Variants in ZNF804B observed in about 807,000 individuals in gnomAD.
ZNF804B encodes zinc finger 804B.
Under a neutral mutation model 101.4 loss-of-function variants are expected in ZNF804B, and 80 were observed. That is an observed-to-expected ratio of 0.79 (90% CI 0.66 to 0.95). The LOEUF (loss-of-function observed/expected upper bound fraction) is 0.95, where lower values mean the gene tolerates loss of function less well. Ranked by LOEUF, ZNF804B falls within the 40% of genes least tolerant of loss-of-function variation. ZNF804B has a pLI of 0.00. For synonymous variants in ZNF804B, 622 were observed against 558.8 expected, an observed-to-expected ratio of 1.11 and a Z score of -1.59; for missense variants, 1,673 against 1,561.9, an observed-to-expected ratio of 1.07 and a Z score of -1.20.
intron 1 of ZNF804B, among the ~76,000 whole-genome samples, chr7:89,115,810 G>C (rs1323978033): frequency 1.3e-5 from 2 of 152,042 alleles, no homozygotes; most frequent in Admixed American, 6.6e-5. Context: ...TTCAATTTCT[G>C]AAGGGAGAAT....
intron 2 of ZNF804B, among the ~76,000 whole-genome samples, chr7:89,225,480 C>CTCTAGACTGTG (rs1307919865): frequency 6.6e-6 from 1 of 152,116 alleles, no homozygotes; most frequent in Non-Finnish European, 1.5e-5. Context: ...GCCACTGTGT[C>CTCTAGACTGTG]TCTAGAACTT....
rs745541718 is a variant in ZNF804B, at chr7:89,336,605, C to T, written c.3623C>T (p.Thr1208Ile). 1 of 1,614,106 alleles carries T rather than the reference C, an allele frequency of 6.2e-7. No homozygotes were observed. The highest frequency in any genetic ancestry group is 1.1e-5 in the South Asian group (1 of 91,086). Residue 1208 changes from threonine to isoleucine, a missense_variant, in exon 4 of 4, where the codon ACC (threonine) becomes ATC (isoleucine). Coordinates refer to ENST00000333190, the MANE Select transcript of ZNF804B (RefSeq NM_181646.5). ...GTTCACCAGCACACTTCTATCACCA[C>T]CATCCACCACACGTTCCTGCAGCAT... ...VPVHQHTSIT[T>I]IHHTFLQHFA... is the part of the protein sequence containing the mutation.
intron 2 of ZNF804B, among the ~76,000 whole-genome samples, chr7:89,221,290 C>T (rs957969153): frequency 1.3e-5 from 2 of 151,908 alleles, no homozygotes; most frequent in African/African-American, 2.4e-5. Flanking sequence ...TAAGCACCAC[C>T]GCCTGTGGGA....
chr7:89,315,258 T>C (rs1687877576), intron 2 of ZNF804B, among the ~76,000 whole-genome samples: 2 of 152,182 alleles, frequency 1.3e-5, no homozygotes, highest in Admixed American at 6.5e-5. Flanking sequence ...AAGCCATTCA[T>C]GAGGAACTGC....
At chr7:88,943,182 A>T (rs1793079246) in intron 1 of ZNF804B, among the ~76,000 whole-genome samples, 1 of 151,896 alleles carries the variant, frequency 6.6e-6, no homozygotes, top group African/African-American at 2.4e-5. Context: ...GGACTTAGTA[A>T]ATTTTTGTTG....
At chr7:88,784,462 C>G (rs1790271250) in intron 1 of ZNF804B, among the ~76,000 whole-genome samples, 1 of 152,054 alleles carries the variant, frequency 6.6e-6, no homozygotes, top group Non-Finnish European at 1.5e-5. Context: ...CTGGATAGAG[C>G]CCTTTTACCC....
intron 1 of ZNF804B, among the ~76,000 whole-genome samples, chr7:88,889,373 T>C (rs1451628766): frequency 6.6e-6 from 1 of 152,134 alleles, no homozygotes; most frequent in African/African-American, 2.4e-5. Flanking sequence ...TCCATAACGA[T>C]GGCTAAATTA....
At chr7:89,120,506 A>G (rs941591851) in intron 1 of ZNF804B, among the ~76,000 whole-genome samples, 17 of 151,654 alleles carry the variant, frequency 1.1e-4, no homozygotes, top group African/African-American at 4.1e-4. Flanking sequence ...AAATACAAAA[A>G]AATTAGCCGG....
chr7:88,943,691 G>A (rs951990172), intron 1 of ZNF804B, among the ~76,000 whole-genome samples: 2 of 151,744 alleles, frequency 1.3e-5, no homozygotes. Context: ...ATGAAGATAT[G>A]CAACATTCTC....
At chr7:89,150,999 A>G (rs939147025) in intron 1 of ZNF804B, among the ~76,000 whole-genome samples, 3 of 152,168 alleles carry the variant, frequency 2.0e-5, no homozygotes, top group Admixed American at 2.0e-4. Flanking sequence ...ATTATTAAAA[A>G]TAAGATTGAC....
chr7:89,095,522 G>A (rs1463505069), intron 1 of ZNF804B, among the ~76,000 whole-genome samples: 1 of 152,142 alleles, frequency 6.6e-6, no homozygotes, highest in East Asian at 1.9e-4. Flanking sequence ...CTGGCATTTG[G>A]ATTAGTGATT....
chr7:88,899,657 C>T (rs573743198), intron 1 of ZNF804B, among the ~76,000 whole-genome samples: 2 of 152,176 alleles, frequency 1.3e-5, no homozygotes, highest in South Asian at 4.1e-4. Flanking sequence ...TTTTTTACTT[C>T]TCATTACTTC....
chr7:88,979,549 T>G (rs1022457491), intron 1 of ZNF804B, among the ~76,000 whole-genome samples: 1 of 151,824 alleles, frequency 6.6e-6, no homozygotes, highest in African/African-American at 2.4e-5. Flanking sequence ...CTGACAGATG[T>G]ATTGGAGCTC....
chr7:88,898,348 C>T (rs201452679), intron 1 of ZNF804B, among the ~76,000 whole-genome samples: 6 of 151,842 alleles, frequency 4.0e-5, no homozygotes, highest in Non-Finnish European at 7.4e-5. Flanking sequence ...GGCCTCCCAA[C>T]GTGCTGGGAT....
At chr7:88,848,880 T>G (rs1791413100) in intron 1 of ZNF804B, among the ~76,000 whole-genome samples, 1 of 152,114 alleles carries the variant, frequency 6.6e-6, no homozygotes, top group Non-Finnish European at 1.5e-5. Flanking sequence ...TTAGATTTCA[T>G]GCAGTAGGTT....
chr7:88,888,130 C>T (rs780644013), intron 1 of ZNF804B, among the ~76,000 whole-genome samples: 17 of 152,088 alleles, frequency 1.1e-4, no homozygotes, highest in African/African-American at 3.4e-4. Context: ...TGGTGGCTCA[C>T]GCCTGTAATC....
At chr7:89,026,034 T>A (rs1470101072) in intron 1 of ZNF804B, among the ~76,000 whole-genome samples, 1 of 152,088 alleles carries the variant, frequency 6.6e-6, no homozygotes, top group East Asian at 1.9e-4. Flanking sequence ...CCTTATTACA[T>A]GGTTTACTTT....
chr7:89,310,265 G>A (rs1389808270), intron 2 of ZNF804B, among the ~76,000 whole-genome samples: 1 of 152,130 alleles, frequency 6.6e-6, no homozygotes, highest in Admixed American at 6.6e-5. Flanking sequence ...TTGAGGAGGT[G>A]TAAGTATCAT....
chr7:89,327,819 T>A (rs965126006), intron 3 of ZNF804B, among the ~76,000 whole-genome samples: 1 of 148,020 alleles, frequency 6.8e-6, no homozygotes, highest in Non-Finnish European at 1.5e-5. Flanking sequence ...CAATATATCT[T>A]AGGGGGTGGG....
Sources: gnomAD v4.1 joint callset for allele counts (sites outside exome capture counted in the v4.1 genomes callset) on GRCh38, gnomAD v4.1.1 for gene constraint, MANE v1.5 for transcripts, NCBI Gene and HGNC (gene_info 2026-07-23, HGNC 2026-07-21) for gene names.